RBFOX1: variants seen among roughly 807,000 people sequenced by gnomAD.
RBFOX1 encodes RNA binding protein fox-1 homolog 1.
Under a neutral mutation model 57.7 loss-of-function variants are expected in RBFOX1, and 8 were observed. The ratio of observed to expected loss-of-function variants is 0.14; its 90% CI spans 0.08 to 0.25. The LOEUF is 0.25. Among genes scored for constraint, RBFOX1 ranks in the 10% least tolerant of loss-of-function variants. RBFOX1 has a pLI of 1.00. For synonymous variants in RBFOX1, 326 were observed against 222.4 expected (o/e 1.47, Z -4.15); for missense variants, 611 against 548.5 (o/e 1.11, Z -1.14).
At chr16:6,357,859 G>A (rs1452347506) in intron 2 of RBFOX1, among the ~76,000 whole-genome samples, 2 of 151,768 alleles carry the variant, frequency 1.3e-5, no homozygotes, top group African/African-American at 4.8e-5. Context: ...GCTGAGGTAG[G>A]AGAATTGCTT....
At chr16:7,347,675 C>G (rs1284789609) in intron 4 of RBFOX1, among the ~76,000 whole-genome samples, 2 of 152,200 alleles carry the variant, frequency 1.3e-5, no homozygotes, top group Non-Finnish European at 2.9e-5. Context: ...GACTATCAGT[C>G]TCTGCAAGTC....
intron 4 of RBFOX1, among the ~76,000 whole-genome samples, chr16:5,907,999 C>G (rs958916516): frequency 1.3e-5 from 2 of 151,656 alleles, no homozygotes; most frequent in Non-Finnish European, 2.9e-5. Context: ...TCTCCACCCT[C>G]TTCGGCCTCT....
chr16:5,809,299 C>T (rs140661863), intron 3 of RBFOX1, among the ~76,000 whole-genome samples: 2 of 152,256 alleles, frequency 1.3e-5, no homozygotes, highest in Admixed American at 1.3e-4. Context: ...AAAGCAATGG[C>T]AACAAAAGCC....
intron 2 of RBFOX1, among the ~76,000 whole-genome samples, chr16:5,560,766 A>G (rs559650956): frequency 2.6e-5 from 4 of 152,270 alleles, no homozygotes; most frequent in South Asian, 2.1e-4. Flanking sequence ...CAAGATACCT[A>G]TGAGCTCCAT....
chr16:5,368,176 C>T (rs1481994216), intron 1 of RBFOX1, among the ~76,000 whole-genome samples: 1 of 152,208 alleles, frequency 6.6e-6, no homozygotes, highest in East Asian at 1.9e-4. Flanking sequence ...TGAATGATGT[C>T]AACGCATAAT....
intron 3 of RBFOX1, among the ~76,000 whole-genome samples, chr16:5,720,658 A>G (rs1437896479): frequency 6.6e-6 from 1 of 152,170 alleles, no homozygotes; most frequent in Non-Finnish European, 1.5e-5. Context: ...GCAGTTATCC[A>G]GTTCTGACAT....
chr16:7,254,548 C>T lies in RBFOX1; in HGVS notation c.27+202450C>T, dbSNP rs189372570. Among the ~76,000 whole-genome samples, 42 of 151,730 alleles carry T rather than the reference C, an allele frequency of 2.8e-4. No individual in the cohort carries two copies. The East Asian group carries it at 5.4e-3, about 20-fold the overall frequency. The stretch of plus-strand genomic sequence containing the variant: ...TTTTAGGTGTTATTTTATTATTTCT[C>T]TAACTGTACCAACTCATCATTGTGT... On this transcript the variant is annotated intron_variant, in intron 4 of 15. Coordinates refer to ENST00000550418, the MANE Select transcript of RBFOX1 (RefSeq NM_018723.4).
intron 3 of RBFOX1, among the ~76,000 whole-genome samples, chr16:5,819,828 G>A (rs2055781205): frequency 6.6e-6 from 1 of 152,192 alleles, no homozygotes; most frequent in South Asian, 2.1e-4. Context: ...AGGCCCTGGA[G>A]CCCCAGAAAT....
intron 2 of RBFOX1, among the ~76,000 whole-genome samples, chr16:6,457,438 T>TTCCCCCCCCCCCCC (rs757540836): frequency 1.8e-5 from 1 of 54,224 alleles, no homozygotes; most frequent in Non-Finnish European, 3.9e-5. Flanking sequence ...TTTCCGGAAG[T>TTCCCCCCCCCCCCC]CCCCCCCCCC....
chr16:6,689,798 A>C (rs981966460), intron 3 of RBFOX1, among the ~76,000 whole-genome samples: 2 of 152,168 alleles, frequency 1.3e-5, no homozygotes, highest in African/African-American at 4.8e-5. Flanking sequence ...CTACGGGGAG[A>C]GACTCAATGC....
chr16:5,667,347 T>C (rs2049881305), intron 3 of RBFOX1, among the ~76,000 whole-genome samples: 1 of 152,276 alleles, frequency 6.6e-6, no homozygotes, highest in Non-Finnish European at 1.5e-5. Context: ...CAACTTTGGC[T>C]GTGTCCTGTC....
At chr16:6,713,567 C>G (rs953798482) in intron 3 of RBFOX1, among the ~76,000 whole-genome samples, 10 of 152,200 alleles carry the variant, frequency 6.6e-5, no homozygotes, top group African/African-American at 2.4e-4. Context: ...CCACAAATCT[C>G]TCCAGATATT....
At chr16:5,623,720 C>T (rs1478765168) in intron 3 of RBFOX1, among the ~76,000 whole-genome samples, 1 of 152,100 alleles carries the variant, frequency 6.6e-6, no homozygotes, top group Non-Finnish European at 1.5e-5. Context: ...TTTTCTTTGT[C>T]CTTCCCTCCC....
At chr16:6,984,957 A>G (rs1022935877) in intron 3 of RBFOX1, among the ~76,000 whole-genome samples, 2 of 152,138 alleles carry the variant, frequency 1.3e-5, no homozygotes, top group African/African-American at 2.4e-5. Context: ...TTACTTACAA[A>G]TCTACTGTAA....
intron 1 of RBFOX1, among the ~76,000 whole-genome samples, chr16:5,382,622 G>T (rs1040243478): frequency 4.6e-5 from 7 of 152,174 alleles, no homozygotes; most frequent in Admixed American, 3.3e-4. Context: ...TGTACTTGCA[G>T]AATGTTGCTT....
At chr16:7,506,317 T>A (rs538007580) in intron 4 of RBFOX1, among the ~76,000 whole-genome samples, 15 of 151,826 alleles carry the variant, frequency 9.9e-5, no homozygotes, top group African/African-American at 3.6e-4. Flanking sequence ...ATATACAATG[T>A]AGGATTCTGA....
intron 4 of RBFOX1, among the ~76,000 whole-genome samples, chr16:7,488,600 GT>G (rs2066053697): frequency 6.6e-6 from 1 of 151,726 alleles, no homozygotes; most frequent in South Asian, 2.1e-4. Flanking sequence ...CTATCTATAC[GT>G]TCATCCGTTA....
intron 4 of RBFOX1, among the ~76,000 whole-genome samples, chr16:7,335,512 C>G (rs1223881076): frequency 6.6e-6 from 1 of 151,492 alleles, no homozygotes. Context: ...CAGAGTGCTC[C>G]CTTTTCATAT....
intron 9 of RBFOX1, 96 bp downstream of exon 9, chr16:7,597,527 TG>T: frequency 7.1e-6 from 8 of 1,134,328 alleles, no homozygotes; most frequent in Non-Finnish European, 1.0e-5. Context: ...TGTGTTTGCC[TG>T]GGCATTGACA....
Sources: allele counts gnomAD v4.1 joint callset (sites outside exome capture counted in the v4.1 genomes callset), GRCh38; gene constraint gnomAD v4.1.1; transcripts MANE v1.5; gene names NCBI Gene and HGNC (gene_info 2026-07-23, HGNC 2026-07-21).